Variants in PAK5 observed in about 807,000 individuals in gnomAD.
PAK5 encodes p21 (RAC1) activated kinase 5.
PAK5 carries 16 observed loss-of-function variants against 65.9 expected under a neutral mutation model. That is an observed-to-expected ratio of 0.24 (90% CI 0.16 to 0.37). The LOEUF is 0.37. Among genes scored for constraint, PAK5 ranks in the 10% least tolerant of loss-of-function variants. PAK5 has a pLI of 1.00. For synonymous variants in PAK5, 371 were observed against 354.9 expected (o/e 1.05, Z -0.51); for missense variants, 785 against 903.9 (o/e 0.87, Z 1.69).
intron 6 of PAK5, 37 bp downstream of exon 6, chr20:9,562,854 A>C (rs1568964754): frequency 1.3e-6 from 2 of 1,588,726 alleles, no homozygotes; most frequent in East Asian, 2.2e-5. Context: ...GAAGAATAAG[A>C]AGCACCTCGA....
chr20:9,675,656 A>G (rs777082909), intron 2 of PAK5, among the ~76,000 whole-genome samples: 1 of 152,192 alleles, frequency 6.6e-6, no homozygotes, highest in Non-Finnish European at 1.5e-5. Context: ...ATTAATAATT[A>G]ATTGTTCCAA....
At chr20:9,815,713 A>T (rs1195625357) in intron 1 of PAK5, among the ~76,000 whole-genome samples, 2 of 152,104 alleles carry the variant, frequency 1.3e-5, no homozygotes, top group Non-Finnish European at 2.9e-5. Flanking sequence ...TTTTGTTTCT[A>T]CTATTTGGGA....
At chr20:9,557,777 A>G in intron 6 of PAK5, 43 bp from the exon 7 acceptor site, 1 of 1,562,776 alleles carries the variant, frequency 6.4e-7, no homozygotes, top group Non-Finnish European at 8.8e-7. Flanking sequence ...AGGTTTAAGA[A>G]CATCTTTGAA....
At chr20:9,835,510 G>C (rs1979076682) in intron 1 of PAK5, among the ~76,000 whole-genome samples, 1 of 152,110 alleles carries the variant, frequency 6.6e-6, no homozygotes, top group Non-Finnish European at 1.5e-5. Flanking sequence ...TCTGGAATCT[G>C]TCCCAGGTGT....
At chr20:9,722,580 C>G (rs958634906) in intron 1 of PAK5, among the ~76,000 whole-genome samples, 49 of 151,920 alleles carry the variant, frequency 3.2e-4, no homozygotes, top group Non-Finnish European at 5.4e-4. Flanking sequence ...CCACTGCACT[C>G]CAGCCTGGGG....
At chr20:9,573,903 AC>A (rs2045838440) in intron 4 of PAK5, among the ~76,000 whole-genome samples, 1 of 152,172 alleles carries the variant, frequency 6.6e-6, no homozygotes, top group Non-Finnish European at 1.5e-5. Flanking sequence ...GCACAATAAA[AC>A]AAAGACTGCT....
chr20:9,671,067 G>A (rs1453717681), intron 2 of PAK5, among the ~76,000 whole-genome samples: 5 of 151,974 alleles, frequency 3.3e-5, no homozygotes, highest in South Asian at 2.1e-4. Context: ...CAGGTTTGTC[G>A]AAGATCAGAT....
intron 1 of PAK5, among the ~76,000 whole-genome samples, chr20:9,782,844 C>T (rs1034957203): frequency 2.0e-5 from 3 of 152,094 alleles, no homozygotes; most frequent in Non-Finnish European, 2.9e-5. Context: ...CCCCACCCAC[C>T]ACCATCGTCA....
chr20:9,745,086 G>C (rs2048491075), intron 1 of PAK5, among the ~76,000 whole-genome samples: 2 of 152,174 alleles, frequency 1.3e-5, no homozygotes, highest in Admixed American at 6.5e-5. Context: ...GCCATCCCCA[G>C]TCAAAAGTAA....
At chr20:9,589,274 C>T (rs982856747) in intron 3 of PAK5, among the ~76,000 whole-genome samples, 1 of 152,148 alleles carries the variant, frequency 6.6e-6, no homozygotes, top group South Asian at 2.1e-4. Flanking sequence ...AACTGTCTTC[C>T]TTGTTTTTAT....
intron 3 of PAK5, among the ~76,000 whole-genome samples, chr20:9,625,195 C>T (rs1208148066): frequency 6.6e-6 from 1 of 152,172 alleles, no homozygotes; most frequent in Non-Finnish European, 1.5e-5. Context: ...CATCAATGAC[C>T]TCCACCACCT....
At chr20:9,658,175 G>A (rs1600207828) in intron 2 of PAK5, among the ~76,000 whole-genome samples, 1 of 152,142 alleles carries the variant, frequency 6.6e-6, no homozygotes, top group East Asian at 1.9e-4. Flanking sequence ...GTTAGCTTTG[G>A]CTGCATATCA....
chr20:9,665,085 G>GTTTTTTTTTTTTTT (rs754435525), intron 2 of PAK5, among the ~76,000 whole-genome samples: 1,792 of 98,680 alleles, frequency 0.018, 122 homozygotes, highest in East Asian at 0.048. Context: ...AAATTTTTCT[G>GTTTTTTTTTTTTTT]TTTTTTTTTT....
At chr20:9,603,745 C>T (rs1257926310) in intron 3 of PAK5, among the ~76,000 whole-genome samples, 2 of 152,196 alleles carry the variant, frequency 1.3e-5, no homozygotes, top group East Asian at 3.9e-4. Context: ...GCCTGCTCTC[C>T]CTCTCTGTCT....
chr20:9,744,455 CT>C (rs2048484626), intron 1 of PAK5, among the ~76,000 whole-genome samples: 1 of 152,184 alleles, frequency 6.6e-6, no homozygotes, highest in African/African-American at 2.4e-5. Flanking sequence ...TAAACAAAGA[CT>C]TTTCTGATGA....
At chr20:9,777,564 C>T (rs891195568) in intron 1 of PAK5, among the ~76,000 whole-genome samples, 1 of 152,150 alleles carries the variant, frequency 6.6e-6, no homozygotes, top group African/African-American at 2.4e-5. Flanking sequence ...ATAAATTACC[C>T]AGTCATGAGT....
intron 1 of PAK5, among the ~76,000 whole-genome samples, chr20:9,772,031 C>T (rs753108839): frequency 6.6e-6 from 1 of 152,106 alleles, no homozygotes; most frequent in Non-Finnish European, 1.5e-5. Flanking sequence ...TAGTGAGACC[C>T]TATCTCAAAA....
chr20:9,726,507 C>A (rs2048279245), intron 1 of PAK5, among the ~76,000 whole-genome samples: 5 of 152,056 alleles, frequency 3.3e-5, no homozygotes, highest in Admixed American at 3.3e-4. Flanking sequence ...AACTGAAATC[C>A]TGATAAGAAT....
At chr20:9,787,709 C>CA (rs1225964374) in intron 1 of PAK5, among the ~76,000 whole-genome samples, 2 of 147,280 alleles carry the variant, frequency 1.4e-5, no homozygotes, top group African/African-American at 5.0e-5. Context: ...ACTGGCTTTC[C>CA]AAAAAAAAAT....
Sources: gnomAD v4.1 joint callset for allele counts (sites outside exome capture counted in the v4.1 genomes callset) on GRCh38, gnomAD v4.1.1 for gene constraint, MANE v1.5 for transcripts, NCBI Gene and HGNC (gene_info 2026-07-23, HGNC 2026-07-21) for gene names.